ABCD2: variants seen among roughly 807,000 people sequenced by gnomAD.
ABCD2 encodes the protein ATP-binding cassette sub-family D member 2.
In ABCD2, 36 loss-of-function variants were observed where a neutral mutation model predicts 70.9. The observed-to-expected ratio is 0.51, with a 90% CI of 0.39 to 0.67. The LOEUF (loss-of-function observed/expected upper bound fraction) is 0.67. Among genes scored for constraint, ABCD2 ranks in the 30% least tolerant of loss-of-function variants. The pLI is 0.00. For synonymous variants in ABCD2, 304 were observed against 306.9 expected, an observed-to-expected ratio of 0.99 and a Z score of 0.10; for missense variants, 729 against 890.2, an observed-to-expected ratio of 0.82 and a Z score of 2.30.
chr12:39,540,835 A>G, the ABCD2 span, among the ~76,000 whole-genome samples: 2 of 152,174 alleles, frequency 1.3e-5, no homozygotes, highest in African/African-American at 4.8e-5. Context: ...GACCAAACCA[A>G]TGTATTTCTT....
intron 7 of ABCD2, among the ~76,000 whole-genome samples, chr12:39,580,928 C>A (rs1941587967): frequency 6.6e-6 from 1 of 152,072 alleles, no homozygotes; most frequent in African/African-American, 2.4e-5. Flanking sequence ...GTCAAATTAT[C>A]AAAAATGATT....
Position 39,551,922 on chromosome 12 carries a change from C to T in ABCD2, c.*1990G>A, listed in dbSNP as rs1941093501. On this transcript the variant is annotated 3_prime_UTR_variant, in exon 10 of 10. Coordinates refer to ENST00000308666, the MANE Select transcript of ABCD2 (RefSeq NM_005164.4). ...AGGATTTTTCATTTTCTTCTTGTAC[C>T]TTTAAAAGTTAACTTAAAACACTTG... 1 of 151,550 alleles carries T rather than the reference C, an allele frequency of 6.6e-6. No individual in the cohort carries two copies. 9.4% of individuals were successfully genotyped at this position (151,550 alleles called of 1,614,324 possible).
At chr12:39,600,431 G>T (rs1941880725) in intron 6 of ABCD2, 140 bp downstream of exon 6, 2 of 812,070 alleles carry the variant, frequency 2.5e-6, no homozygotes, top group African/African-American at 1.8e-5. Flanking sequence ...AATATTTTGG[G>T]CTAAGTGAAT....
At chr12:39,579,444 G>A (rs1941565993) in intron 8 of ABCD2, 91 bp downstream of exon 8, 8 of 858,984 alleles carry the variant, frequency 9.3e-6, no homozygotes, top group Admixed American at 2.0e-5. Flanking sequence ...AGATGAAGAC[G>A]ATAAATCCTG....
chr12:39,558,444 G>A (rs1239141161), intron 9 of ABCD2, among the ~76,000 whole-genome samples: 1 of 152,182 alleles, frequency 6.6e-6, no homozygotes, highest in Non-Finnish European at 1.5e-5. Context: ...GATACAGTTT[G>A]GCTGTTTCCT....
At chr12:39,564,753 A>C (rs1472478201) in intron 9 of ABCD2, among the ~76,000 whole-genome samples, 1 of 152,056 alleles carries the variant, frequency 6.6e-6, no homozygotes, top group Non-Finnish European at 1.5e-5. Context: ...TAGGGTTTTT[A>C]TGGTTTTAGG....
chr12:39,618,965 G>A lies in ABCD2; in HGVS notation c.651C>T (p.Phe217=). 1 of 1,614,230 alleles carries A rather than the reference G, an allele frequency of 6.2e-7. No individual in the cohort carries two copies. Among genetic ancestry groups the A allele is most frequent in the Non-Finnish European group, 8.5e-7 (1 of 1,180,044 alleles). ...DQSLTEDIMM[F]SQSVAHLYSN... ...AATACAAGTGAGCCACAGATTGGGA[G>A]AACATCATAATATCCTCCGTAAGAG... The change falls in exon 1 of 10, where the codon TTC becomes TTT. Residue 217 remains phenylalanine (F), a synonymous_variant. Transcript: ENST00000308666.
the ABCD2 span, among the ~76,000 whole-genome samples, chr12:39,536,989 A>G: frequency 1.3e-5 from 2 of 151,802 alleles, no homozygotes; most frequent in African/African-American, 2.4e-5. Context: ...CCATTACCAA[A>G]TGTGCCTAAA....
intron 3 of ABCD2, 53 bp from the exon 4 acceptor site, chr12:39,604,983 T>TAC: frequency 7.3e-7 from 1 of 1,368,436 alleles, no homozygotes; most frequent in Non-Finnish European, 9.8e-7. Flanking sequence ...AGACAATATT[T>TAC]TAAATAAATA....
intron 2 of ABCD2, among the ~76,000 whole-genome samples, chr12:39,612,595 T>C: frequency 6.6e-6 from 1 of 152,240 alleles, no homozygotes. Flanking sequence ...TATGCCCATA[T>C]TGGCATATAT....
chr12:39,599,071 GT>G (rs1941859975), intron 6 of ABCD2, among the ~76,000 whole-genome samples: 1 of 152,064 alleles, frequency 6.6e-6, no homozygotes, highest in Non-Finnish European at 1.5e-5. Context: ...ATTGCAGTTG[GT>G]TTTTTTGCTT....
At chr12:39,536,558 T>C in the ABCD2 span, among the ~76,000 whole-genome samples, 1 of 152,248 alleles carries the variant, frequency 6.6e-6, no homozygotes, top group African/African-American at 2.4e-5. Flanking sequence ...CGGGAACCAA[T>C]GACTATACTG....
the ABCD2 span, among the ~76,000 whole-genome samples, chr12:39,543,644 T>C: frequency 6.6e-6 from 1 of 152,196 alleles, no homozygotes; most frequent in Non-Finnish European, 1.5e-5. Flanking sequence ...GTAGGATCTG[T>C]TGCAAAGAGA....
At chr12:39,603,623 T>G (rs1187744097) in intron 5 of ABCD2, among the ~76,000 whole-genome samples, 4 of 152,042 alleles carry the variant, frequency 2.6e-5, no homozygotes, top group African/African-American at 9.7e-5. Flanking sequence ...AAATTAAAAT[T>G]TATTTCCAGG....
chr12:39,600,175 AT>A (rs1262795247), intron 6 of ABCD2, among the ~76,000 whole-genome samples: 1 of 152,128 alleles, frequency 6.6e-6, no homozygotes, highest in African/African-American at 2.4e-5. Context: ...TAAATGAACA[AT>A]TTTAGAATAT....
At chr12:39,543,659 G>A in the ABCD2 span, among the ~76,000 whole-genome samples, 2 of 152,192 alleles carry the variant, frequency 1.3e-5, no homozygotes, top group Non-Finnish European at 2.9e-5. Flanking sequence ...AAGAGAGAAA[G>A]TCCATACAAT....
intron 4 of ABCD2, among the ~76,000 whole-genome samples, 154 bp downstream of exon 4, chr12:39,604,608 A>G (rs1941945662): frequency 6.6e-6 from 1 of 152,058 alleles, no homozygotes. Context: ...ACCACCCCTC[A>G]AATTGCAATA....
chr12:39,586,040 G>A (rs557514017), intron 7 of ABCD2, 112 bp downstream of exon 7: 195 of 957,390 alleles, frequency 2.0e-4, no homozygotes, highest in Non-Finnish European at 2.8e-4. Context: ...ACACTTATGT[G>A]CTTATTTCCG....
intron 8 of ABCD2, among the ~76,000 whole-genome samples, chr12:39,578,489 A>AG (rs980791496): frequency 6.6e-6 from 1 of 151,568 alleles, no homozygotes; most frequent in African/African-American, 2.4e-5. Flanking sequence ...AAAAAAAAAA[A>AG]AAAAGTGAGT....
Sources: allele counts gnomAD v4.1 joint callset (sites outside exome capture counted in the v4.1 genomes callset), GRCh38; gene constraint gnomAD v4.1.1; transcripts MANE v1.5; gene names NCBI Gene and HGNC (gene_info 2026-07-23, HGNC 2026-07-21).